Variants in GASK1B observed in about 807,000 individuals in gnomAD.
GASK1B encodes the protein golgi associated kinase 1B, also known as Golgi-associated kinase 1B.
A neutral mutation model predicts 42.8 loss-of-function variants in GASK1B; 34 were observed. The observed-to-expected ratio is 0.79, with a 90% CI of 0.60 to 1.06. The LOEUF is 1.06. GASK1B is among the 50% of genes least tolerant of loss of function. The probability of loss-of-function intolerance (pLI) is 0.00; values close to 1 mark genes in which losing one functional copy is unlikely to be tolerated. For missense variants in GASK1B, 686 were observed against 661.0 expected (o/e 1.04, Z -0.42); for synonymous variants, 262 against 259.1 (o/e 1.01, Z -0.11).
chr4:158,150,342 G>A (rs1731510944), intron 3 of GASK1B, among the ~76,000 whole-genome samples: 1 of 128,146 alleles, frequency 7.8e-6, no homozygotes, highest in Non-Finnish European at 1.7e-5. Flanking sequence ...GGCAAATATT[G>A]GGCAGGTTAA....
chr4:158,125,654 T>A lies in GASK1B; in HGVS notation c.*1753A>T, dbSNP rs932334943. The A allele has an allele frequency of 6.6e-6, 1 of 152,048 alleles. No homozygotes were observed. Among genetic ancestry groups the A allele is most frequent in the Non-Finnish European group, 1.5e-5 (1 of 68,018 alleles). The allele number at this position is 152,048 out of a possible 1,614,324, so 9.4% of individuals were successfully genotyped here. ...AAAGAGCCAAGGAGTACTATAAATC[T>A]GTAGAAGCAGAGGGAGACACTCGGG... On this transcript the variant is annotated 3_prime_UTR_variant, in exon 5 of 5. Transcript: ENST00000585682.
intron 3 of GASK1B, among the ~76,000 whole-genome samples, chr4:158,146,209 T>C (rs1189753766): frequency 1.3e-5 from 2 of 152,074 alleles, no homozygotes; most frequent in Non-Finnish European, 1.5e-5. Flanking sequence ...CTGCTGCTGA[T>C]AGAATTGTTA....
At chr4:158,157,325 C>T (rs1270925113) in intron 2 of GASK1B, among the ~76,000 whole-genome samples, 2 of 151,390 alleles carry the variant, frequency 1.3e-5, no homozygotes, top group Admixed American at 6.6e-5. Context: ...TTGTAGCACT[C>T]TCTCTCTCCT....
intron 3 of GASK1B, among the ~76,000 whole-genome samples, chr4:158,141,676 G>T: frequency 7.4e-6 from 1 of 135,082 alleles, no homozygotes; most frequent in Non-Finnish European, 1.5e-5. Context: ...ACGCGATCTC[G>T]GCTCACTGCA....
chr4:158,152,694 A>G (rs2110984427), intron 3 of GASK1B, among the ~76,000 whole-genome samples: 1 of 152,328 alleles, frequency 6.6e-6, no homozygotes, highest in South Asian at 2.1e-4. Context: ...GGTTTAACAT[A>G]TGCAAGCAAG....
intron 3 of GASK1B, among the ~76,000 whole-genome samples, chr4:158,143,804 T>G (rs1731226315): frequency 6.6e-6 from 1 of 152,284 alleles, no homozygotes; most frequent in South Asian, 2.1e-4. Flanking sequence ...CCACTTGCTA[T>G]TAAAGTAAAT....
In GASK1B at chr4:158,170,845, C is replaced by G; in HGVS notation, c.531G>C (p.Glu177Asp). Reference sequence around the variant, plus strand: ...GACCCCGCACCAACCTCCAGGGTCGCTCTCCAATCTTAACCAGGTTTGCTC... The same window carrying G: ...GACCCCGCACCAACCTCCAGGGTCGGTCTCCAATCTTAACCAGGTTTGCTC... ...AQGANLVKIG[E>D]RPWRLVRGPG... Residue 177 changes from glutamate (E) to aspartate (D), a missense_variant, in exon 2 of 5, where the codon GAG becomes GAC. Glu to Asp is a conservative substitution (Grantham distance 45). Coordinates refer to ENST00000585682, the MANE Select transcript of GASK1B (RefSeq NM_001128424.2). The G allele has an allele frequency of 6.2e-7, 1 of 1,614,238 alleles. No homozygotes were observed. Among genetic ancestry groups the G allele is most frequent in the Non-Finnish European group, 8.5e-7 (1 of 1,180,046 alleles).
chr4:158,170,957 G>C lies in GASK1B; in HGVS notation c.419C>G (p.Pro140Arg). 1 of 1,614,206 alleles carries C rather than the reference G, an allele frequency of 6.2e-7. No homozygotes were observed. Among genetic ancestry groups the C allele is most frequent in the Non-Finnish European group, 8.5e-7 (1 of 1,180,044 alleles). ...TGGTCCGACCAAAGCCTCCTGCCCT[G>C]GGGCAGCCGATGCCACTGCATGCTT... ...RKKHAVASAA[P>R]GQEALVGPSL... The change falls in exon 2 of 5, where the codon CCA becomes CGA. Residue 140 changes from proline to arginine, a missense_variant. Pro to Arg is a moderately radical substitution (Grantham distance 103). Coordinates refer to ENST00000585682, the MANE Select transcript of GASK1B (RefSeq NM_001128424.2).
rs1247614928 is a variant in GASK1B, at chr4:158,126,627, C to T, written c.*780G>A. On this transcript the variant is annotated 3_prime_UTR_variant, in exon 5 of 5. Transcript: ENST00000585682. ...AAATGATACTCTGTAAGTACATTTT[C>T]AGATAGGTAACTTCATACTTTAGAA... 1 of 151,846 alleles carries T rather than the reference C, an allele frequency of 6.6e-6. No homozygotes were observed. The highest frequency in any genetic ancestry group is 6.6e-5 in the Admixed American group (1 of 15,212). 9.4% of individuals were successfully genotyped at this position (151,846 alleles called of 1,614,324 possible). A position where few individuals can be genotyped will look rare whatever the true frequency, so the allele number is the denominator to read the frequency against.
chr4:158,168,313 T>C (rs554181581), intron 2 of GASK1B: 8 of 152,292 alleles, frequency 5.3e-5, no homozygotes, highest in African/African-American at 1.7e-4. Context: ...TTCTCAAAGA[T>C]GCTGGAAATT....
intron 3 of GASK1B, among the ~76,000 whole-genome samples, chr4:158,139,279 T>C (rs1202116653): frequency 6.6e-6 from 1 of 152,196 alleles, no homozygotes; most frequent in Non-Finnish European, 1.5e-5. Flanking sequence ...GCAACCAGCA[T>C]TATACTTTAT....
rs1730420696 is a variant in GASK1B, at chr4:158,125,621, G to A, written c.*1786C>T. ...ATCCCAGAGACAGTGAGTAAAAGTG[G>A]AGACTCAAAAGAGCCAAGGAGTACT... On this transcript the variant is annotated 3_prime_UTR_variant, in exon 5 of 5. Transcript: ENST00000585682. 1 of 152,018 alleles carries A rather than the reference G, an allele frequency of 6.6e-6. No homozygotes were observed. Among genetic ancestry groups the A allele is most frequent in the Non-Finnish European group, 1.5e-5 (1 of 67,998 alleles). 9.4% of individuals were successfully genotyped at this position (152,018 alleles called of 1,614,324 possible). A position where few individuals can be genotyped will look rare whatever the true frequency, so the allele number is the denominator to read the frequency against.
At chr4:158,130,216 CTA>C (rs1397200728) in intron 4 of GASK1B, among the ~76,000 whole-genome samples, 1 of 152,160 alleles carries the variant, frequency 6.6e-6, no homozygotes, top group Admixed American at 6.5e-5. Context: ...TCCCCTTAAT[CTA>C]TGTCTCCTTG....
In GASK1B at chr4:158,126,594, C is replaced by G. The variant is rs1045313481; in HGVS notation, c.*813G>C. ...AGTAACAAAATTTTTAAAGAGACATCCATTTTAAAATGATACTCTGTAAGT... is the reference window on the plus strand; with the variant it reads ...AGTAACAAAATTTTTAAAGAGACATGCATTTTAAAATGATACTCTGTAAGT... On this transcript the variant is annotated 3_prime_UTR_variant, in exon 5 of 5. Coordinates refer to ENST00000585682, the MANE Select transcript of GASK1B (RefSeq NM_001128424.2). 4 of 151,780 alleles carry G rather than the reference C, an allele frequency of 2.6e-5. No individual in the cohort carries two copies. Among genetic ancestry groups the G allele is most frequent in the African/African-American group, 9.7e-5 (4 of 41,336 alleles). The allele number at this position is 151,780 out of a possible 1,614,324, so 9.4% of individuals were successfully genotyped here.
chr4:158,142,084 A>G (rs1731156624), intron 3 of GASK1B, among the ~76,000 whole-genome samples: 2 of 147,574 alleles, frequency 1.4e-5, no homozygotes, highest in South Asian at 4.4e-4. Context: ...AGCTGGGACT[A>G]CAGGCGCCCG....
Position 158,171,266 on chromosome 4 carries a change from T to C in GASK1B, c.110A>G (p.Asn37Ser), listed in dbSNP as rs750830450. The C allele has an allele frequency of 1.9e-5, 30 of 1,613,814 alleles. No homozygotes were observed. Among genetic ancestry groups the C allele is most frequent in the Middle Eastern group, 1.6e-4 (1 of 6,082 alleles). The change falls in exon 2 of 5, where the codon AAC (asparagine) becomes AGC (serine). Residue 37 changes from asparagine (N) to serine (S), a missense_variant. By Grantham distance (46) the Asn-to-Ser change is conservative. Coordinates refer to ENST00000585682, the MANE Select transcript of GASK1B (RefSeq NM_001128424.2). ...GGCACACGCAGTGCCCAGCAGAAGG[T>C]TTCTCCGGGTCCTTGGACGCCGGCT... ...WSSRRPRTRR[N>S]LLLGTACAIY...
At chr4:158,168,326 G>A (rs187534872) in intron 2 of GASK1B, 139 of 152,268 alleles carry the variant, frequency 9.1e-4, no homozygotes, top group African/African-American at 3.2e-3. Context: ...TGGAAATTCA[G>A]AGCAAAGAAT....
chr4:158,155,928 A>G, intron 2 of GASK1B, 103 bp from the exon 3 acceptor site: 1 of 853,672 alleles, frequency 1.2e-6, no homozygotes, highest in Non-Finnish European at 1.9e-6. Context: ...TCACCTATCA[A>G]ATGTGAGAGT....
intron 4 of GASK1B, among the ~76,000 whole-genome samples, chr4:158,128,685 AG>A: frequency 6.6e-6 from 1 of 152,330 alleles, no homozygotes; most frequent in East Asian, 1.9e-4. Context: ...GATGGCACAG[AG>A]GGTGCCCGAA....
Sources: allele counts gnomAD v4.1 joint callset (sites outside exome capture counted in the v4.1 genomes callset), GRCh38; gene constraint gnomAD v4.1.1; transcripts MANE v1.5; gene names NCBI Gene and HGNC (gene_info 2026-07-23, HGNC 2026-07-21).